CES4A: variants seen among roughly 807,000 people sequenced by gnomAD.
CES4A encodes the protein carboxylesterase 6.
A neutral mutation model predicts 65.4 loss-of-function variants in CES4A; 48 were observed. That is an observed-to-expected ratio of 0.73 (90% confidence interval 0.58 to 0.93). The LOEUF is 0.93. Among genes scored for constraint, CES4A ranks in the 40% least tolerant of loss-of-function variants. The pLI is 0.00. For synonymous variants in CES4A, 247 were observed against 281.8 expected (o/e 0.88, Z 1.24); for missense variants, 685 against 728.5 (o/e 0.94, Z 0.69).
chr16:66,989,511 T>C (rs1346100058), intron 1 of CES4A, among the ~76,000 whole-genome samples: 1 of 151,106 alleles, frequency 6.6e-6, no homozygotes, highest in Non-Finnish European at 1.5e-5. Context: ...CCTGGGCAAA[T>C]AGTGAGACCT....
intron 11 of CES4A, chr16:67,006,146 G>A (rs1965743571): frequency 2.1e-6 from 1 of 487,464 alleles, no homozygotes; most frequent in Admixed American, 3.2e-5. Context: ...CCACAATCCT[G>A]TGAATTAGGT....
In CES4A at chr16:67,003,056, C is replaced by G. The variant is rs758090835; in HGVS notation, c.691-14C>G. ...TTGGGCATCTCACGGGTGTATTCCTCCCTGTTCTTGCAGATGATGTCACCC... is the reference window on the plus strand; with the variant it reads ...TTGGGCATCTCACGGGTGTATTCCTGCCTGTTCTTGCAGATGATGTCACCC... On this transcript the variant is annotated splice_polypyrimidine_tract_variant and intron_variant, in intron 5 of 13. Transcript: ENST00000648724. This position sits in a 1 kb window ranked among gnomAD's most constrained non-coding sequence, Gnocchi z 4.2. 1 of 1,609,834 alleles carries G rather than the reference C, an allele frequency of 6.2e-7. No individual in the cohort carries two copies. Among genetic ancestry groups the G allele is most frequent in the Non-Finnish European group, 8.5e-7 (1 of 1,176,118 alleles).
chr16:67,007,086 C>G (rs532587504), intron 13 of CES4A: 1 of 445,110 alleles, frequency 2.2e-6, no homozygotes, highest in South Asian at 3.6e-5. Flanking sequence ...GGCCCAGCCC[C>G]AGTACTGGGA....
At chr16:66,995,188 T>C (rs764451085) in intron 1 of CES4A, among the ~76,000 whole-genome samples, 2 of 151,544 alleles carry the variant, frequency 1.3e-5, no homozygotes, top group Middle Eastern at 3.4e-3. Flanking sequence ...CGGGCGCCTG[T>C]GGTCCCAGCT....
rs926871957 is a variant in CES4A at position 67,001,148 on chromosome 16, C to T, written c.536+158C>T. On this transcript the variant is annotated intron_variant, in intron 4 of 13. Coordinates refer to ENST00000648724, the Ensembl canonical transcript of CES4A. The surrounding 1 kb of genome is among the most constrained non-coding windows in gnomAD (Gnocchi z 4.1). Reference sequence around the variant, plus strand: ...GGTGGAAGGGGCGGGCGCTCCATACCATCTGGATGGGGCGAGCTAACTCCA... The same window carrying T: ...GGTGGAAGGGGCGGGCGCTCCATACTATCTGGATGGGGCGAGCTAACTCCA... 2.9e-6 allele frequency: 4 copies of T among 1,359,712 alleles called. No individual in the cohort carries two copies. Among genetic ancestry groups the T allele is most frequent in the South Asian group, 2.8e-5 (2 of 70,208 alleles). The allele number at this position is 1,359,712 out of a possible 1,614,324, so 84.2% of individuals were successfully genotyped here. A position where few individuals can be genotyped will look rare whatever the true frequency, so the allele number is the denominator to read the frequency against.
At position 67,003,278 on chromosome 16, in the gene CES4A, G is replaced by A; in HGVS notation, c.818G>A (p.Cys273Tyr). The change falls in exon 7 of 14, where the codon TGC becomes TAC. Residue 273 changes from cysteine (C) to tyrosine (Y), a missense_variant. Transcript: ENST00000648724. This position sits in a 1 kb window ranked among gnomAD's most constrained non-coding sequence, Gnocchi z 4.2. ...TAGAAGGTTGCCCACCTGGCTGGAT[G>A]CAACCACAACAGCACACAGATCCTG... 1.2e-6 allele frequency: 2 copies of A among 1,614,190 alleles called. No homozygotes were observed. Among genetic ancestry groups the A allele is most frequent in the South Asian group, 2.2e-5 (2 of 91,082 alleles).
At chr16:66,995,470 C>T (rs1411956729) in intron 1 of CES4A, among the ~76,000 whole-genome samples, 158 bp from the exon 2 acceptor site, 1 of 152,148 alleles carries the variant, frequency 6.6e-6, no homozygotes, top group Admixed American at 6.6e-5. Context: ...GACAGATGGG[C>T]CAGGGTCCCA....
At position 67,000,370 on chromosome 16, in the gene CES4A, G is replaced by A. The variant is rs139786802; in HGVS notation, c.261-268G>A. Reference sequence around the variant, plus strand: ...AGGTGCCCAGGGCAGGCAGGTTCCTGCCTTGACAGCACCAACAGGAGCAGG... The same window carrying A: ...AGGTGCCCAGGGCAGGCAGGTTCCTACCTTGACAGCACCAACAGGAGCAGG... On this transcript the variant is annotated intron_variant, in intron 2 of 13. Transcript: ENST00000648724. This position sits in a 1 kb window ranked among gnomAD's most constrained non-coding sequence, Gnocchi z 4.2. 540 of 684,166 alleles carry A rather than the reference G, an allele frequency of 7.9e-4. 6 individuals carry two copies. In the African/African-American group the frequency reaches 9.9e-3, roughly 13 times the overall value. The allele number at this position is 684,166 out of a possible 1,614,324, so 42.4% of individuals were successfully genotyped here.
rs1001749529 is a variant in CES4A at position 67,000,323 on chromosome 16, G to C, written c.261-315G>C. 6.6e-6 allele frequency among the ~76,000 whole-genome samples: 1 copy of C among 152,050 alleles called. No individual in the cohort carries two copies. Among genetic ancestry groups the C allele is most frequent in the African/African-American group, 2.4e-5 (1 of 41,398 alleles). On this transcript the variant is annotated intron_variant, in intron 2 of 13. Coordinates refer to ENST00000648724, the Ensembl canonical transcript of CES4A. The surrounding 1 kb of genome is among the most constrained non-coding windows in gnomAD (Gnocchi z 4.2). ...GGAGGCAGAAGGGAGACTGAGGGGA[G>C]GGTGGGGCATGAAAGACAGGGAGGT... is the stretch of plus-strand genomic sequence containing the variant.
At chr16:66,999,954 G>A (rs1416366639) in intron 2 of CES4A, among the ~76,000 whole-genome samples, 7 of 152,194 alleles carry the variant, frequency 4.6e-5, no homozygotes, top group Non-Finnish European at 1.0e-4. Flanking sequence ...GGGCTTGGAG[G>A]TGGGAGGCAA....
At chr16:67,006,811 G>A (rs201670214) in exon 13 of CES4A, 38 of 1,613,756 alleles carry the variant, frequency 2.4e-5, no homozygotes, top group Admixed American at 2.0e-4. Flanking sequence ...AACTTTGCCC[G>A]CACAGGGTGA....
intron 12 of CES4A, 27 bp downstream of exon 12, chr16:67,006,546 A>G (rs757562548): frequency 1.9e-6 from 3 of 1,543,502 alleles, no homozygotes; most frequent in South Asian, 1.2e-5. Flanking sequence ...TGATACCCCA[A>G]CTGGGTGTCC....
At chr16:67,009,687 A>G (rs1966035411) in exon 14 of CES4A, 1 of 153,862 alleles carries the variant, frequency 6.5e-6, no homozygotes, top group South Asian at 2.0e-4. Context: ...GGGCCACTCC[A>G]AAGTCTATAC....
intron 1 of CES4A, among the ~76,000 whole-genome samples, chr16:66,993,172 G>A (rs1041081298): frequency 9.9e-5 from 15 of 152,212 alleles, no homozygotes; most frequent in Non-Finnish European, 1.0e-4. Context: ...TATGCCAAGA[G>A]CTGGCTATGG....
At chr16:67,010,018 G>A (rs916707130), downstream of CES4A, among the ~76,000 whole-genome samples, 3 of 151,268 alleles carry the variant, frequency 2.0e-5, no homozygotes, top group African/African-American at 4.9e-5. Context: ...CCTGCAGCCC[G>A]TGTGTATCCC....
chr16:67,004,326 A>G (rs1965585024), intron 9 of CES4A, 102 bp downstream of exon 9: 2 of 1,308,058 alleles, frequency 1.5e-6, no homozygotes, highest in Non-Finnish European at 2.2e-6. Context: ...ACCAGGTCAG[A>G]TGCCAGTAGC....
Position 67,000,610 on chromosome 16 carries a change from G to GGCC in CES4A, c.261-19_261-17dup. The GGCC allele has an allele frequency of 6.5e-7, 1 of 1,530,256 alleles. No individual in the cohort carries two copies. Among genetic ancestry groups the GGCC allele is most frequent in the East Asian group, 2.5e-5 (1 of 40,452 alleles). 94.8% of individuals were successfully genotyped at this position (1,530,256 alleles called of 1,614,324 possible). On this transcript the variant is annotated intron_variant, in intron 2 of 13. Transcript: ENST00000648724. The surrounding 1 kb of genome is among the most constrained non-coding windows in gnomAD (Gnocchi z 4.2). ...CCCTGGATTGAAACGATCTCCCCGC[G>GGCC]GCCGCCGCCGCTACCTGGTGCCCGC...
intron 2 of CES4A, among the ~76,000 whole-genome samples, chr16:66,998,026 A>C (rs758601825): frequency 1.3e-5 from 2 of 150,796 alleles, no homozygotes; most frequent in Non-Finnish European, 2.9e-5. Context: ...ATTAAATTTG[A>C]CGTGCTGACA....
At chr16:66,993,025 A>G (rs1286051451) in intron 1 of CES4A, among the ~76,000 whole-genome samples, 1 of 152,140 alleles carries the variant, frequency 6.6e-6, no homozygotes, top group Non-Finnish European at 1.5e-5. Context: ...GCAAATAGAC[A>G]AGGGCACTTC....
Sources: allele counts gnomAD v4.1 joint callset (sites outside exome capture counted in the v4.1 genomes callset), GRCh38; gene constraint gnomAD v4.1.1; non-coding constraint Gnocchi (gnomAD v3.1); transcripts MANE v1.5; gene names NCBI Gene and HGNC (gene_info 2026-07-23, HGNC 2026-07-21).